Variants in MEAK7 observed in about 807,000 individuals in gnomAD.
MEAK7 encodes MTOR-associated protein MEAK7.
In MEAK7, 68 loss-of-function variants were observed where a neutral mutation model predicts 40.5. The ratio of observed to expected loss-of-function variants is 1.68; its 90% CI spans 1.38 to 2.06. MEAK7 has a LOEUF of 2.06. MEAK7 is among the 30% of genes most tolerant of loss of function. The pLI is 0.00. For missense variants in MEAK7, 918 were observed against 580.5 expected (o/e 1.58, Z -5.98); for synonymous variants, 338 against 231.9 (o/e 1.46, Z -4.16).
intron 5 of MEAK7, 105 bp from the exon 6 acceptor site, chr16:84,482,815 C>G (rs1912695739): frequency 1.3e-6 from 2 of 1,507,760 alleles, no homozygotes; most frequent in Admixed American, 4.0e-5. Context: ...AGGGCCAAGA[C>G]CCTTCTCACC....
chr16:84,501,031 G>A (rs1914453113), intron 1 of MEAK7, among the ~76,000 whole-genome samples: 1 of 148,300 alleles, frequency 6.7e-6, no homozygotes, highest in Non-Finnish European at 1.5e-5. Flanking sequence ...GACAGCGGAA[G>A]TCGCAGTGAG....
chr16:84,479,846 G>A lies in MEAK7; in HGVS notation c.*67C>T, dbSNP rs1912355032. 2 of 1,232,594 alleles carry A rather than the reference G, an allele frequency of 1.6e-6. No individual in the cohort carries two copies. The highest frequency in any genetic ancestry group is 2.3e-5 in the Admixed American group (1 of 44,090). The allele number at this position is 1,232,594 out of a possible 1,614,324, so 76.4% of individuals were successfully genotyped here. On this transcript the variant is annotated 3_prime_UTR_variant, in exon 8 of 8. Coordinates refer to ENST00000343629, the MANE Select transcript of MEAK7 (RefSeq NM_020947.4). ...GTTAAACCATGTGGGAGGGAAGAGG[G>A]GCTGCAGGCGTTGCCCTCTACCCAG... is the stretch of plus-strand genomic sequence containing the variant.
chr16:84,497,603 C>T, intron 2 of MEAK7: 6 of 1,325,580 alleles, frequency 4.5e-6, no homozygotes, highest in Non-Finnish European at 5.9e-6. Flanking sequence ...TAGAAATGTC[C>T]CCAAATGTCG....
intron 5 of MEAK7, among the ~76,000 whole-genome samples, chr16:84,483,754 G>C (rs988853350): frequency 2.0e-5 from 3 of 152,182 alleles, no homozygotes; most frequent in Admixed American, 6.5e-5. Flanking sequence ...CAGCTTCCGA[G>C]GTCAAGAGGG....
chr16:84,503,958 C>T (rs746254830), intron 1 of MEAK7: 338 of 985,434 alleles, frequency 3.4e-4, no homozygotes, highest in Non-Finnish European at 4.0e-4. Context: ...CCCTCCGTAC[C>T]CCCACAAGCT....
chr16:84,496,106 C>T (rs922868433), intron 2 of MEAK7, among the ~76,000 whole-genome samples, 193 bp from the exon 3 acceptor site: 2 of 152,194 alleles, frequency 1.3e-5, no homozygotes, highest in African/African-American at 4.8e-5. Flanking sequence ...TATGCAAATG[C>T]CGGCCATTAG....
rs1011422090 is a variant in MEAK7 at position 84,495,847 on chromosome 16, C to G, written c.220G>C (p.Asp74His). The change falls in exon 3 of 8, where the codon GAC becomes CAC. Residue 74 changes from aspartate to histidine, a missense_variant. By Grantham distance (81) the Asp-to-His change is moderately conservative (BLOSUM62 -1). Transcript: ENST00000343629. ...GGTCCCTTCGCCTTCCCTGTCAGGT[C>G]GACCCTCCGCATGCCATCATACAGC... ...TRLYDGMRRV[D>H]LTGKAKGPSE... The G allele has an allele frequency of 3.7e-6, 6 of 1,613,940 alleles. No homozygotes were observed. Among genetic ancestry groups the G allele is most frequent in the Non-Finnish European group, 5.1e-6 (6 of 1,180,020 alleles).
intron 3 of MEAK7, among the ~76,000 whole-genome samples, chr16:84,490,462 T>TACC (rs1567497292): frequency 7.5e-6 from 1 of 133,416 alleles, no homozygotes; most frequent in Non-Finnish European, 1.6e-5. Context: ...TTTTTTTTTT[T>TACC]TTTTTTTTTT....
At chr16:84,503,291 G>A (rs75707154) in intron 1 of MEAK7, among the ~76,000 whole-genome samples, 3,296 of 152,274 alleles carry the variant, frequency 0.022, 72 homozygotes, top group African/African-American at 0.054. Context: ...TATGGCCCAC[G>A]GGTTGGACGA....
At chr16:84,487,151 G>A in intron 4 of MEAK7, 92 bp from the exon 5 acceptor site, 1 of 1,311,722 alleles carries the variant, frequency 7.6e-7, no homozygotes, top group Non-Finnish European at 1.0e-6. Flanking sequence ...GGAGCCACGA[G>A]TCACATGCAA....
chr16:84,486,659 G>A lies in MEAK7; in HGVS notation c.930C>T (p.Cys310=). Residue 310 remains cysteine (C), a synonymous_variant, in exon 5 of 8, where the codon TGC becomes TGT. Coordinates refer to ENST00000343629, the MANE Select transcript of MEAK7 (RefSeq NM_020947.4). The stretch of plus-strand genomic sequence containing the variant: ...GAAACTGAGGCTTCACCTCCCAAGA[G>A]CAAGAGGCAAACCCACCGAACACAT... ...DKHVFGGFAS[C]SWEVKPQFQG... is the part of the protein sequence containing the mutation. The A allele has an allele frequency of 6.2e-7, 1 of 1,611,950 alleles. No individual in the cohort carries two copies. The highest frequency in any genetic ancestry group is 8.5e-7 in the Non-Finnish European group (1 of 1,179,048).
chr16:84,482,273 G>A (rs868058983), intron 6 of MEAK7, among the ~76,000 whole-genome samples: 1 of 152,218 alleles, frequency 6.6e-6, no homozygotes, highest in South Asian at 2.1e-4. Flanking sequence ...CGCAGGGACA[G>A]GTCTGGCGCT....
intron 5 of MEAK7, among the ~76,000 whole-genome samples, chr16:84,485,193 GTC>G (rs1912927008): frequency 6.6e-6 from 1 of 152,224 alleles, no homozygotes; most frequent in Non-Finnish European, 1.5e-5. Flanking sequence ...TGAGGCTGCT[GTC>G]TCTAGAAAGG....
At chr16:84,480,114 G>A (rs1912393238) in intron 7 of MEAK7, 88 bp from the exon 8 acceptor site, 2 of 1,098,316 alleles carry the variant, frequency 1.8e-6, no homozygotes, top group Admixed American at 2.6e-5. Context: ...CTTCTTGGGT[G>A]GAATCAGGCT....
chr16:84,485,122 A>G (rs896292988), intron 5 of MEAK7, among the ~76,000 whole-genome samples: 2 of 152,106 alleles, frequency 1.3e-5, no homozygotes, highest in Non-Finnish European at 2.9e-5. Context: ...CACATGCCCT[A>G]TGCCTGTGAC....
In MEAK7 at chr16:84,489,559, T is replaced by C. The variant is rs545878870; in HGVS notation, c.385-137A>G. On this transcript the variant is annotated intron_variant, in intron 3 of 7. Transcript: ENST00000343629. ...ATGTGGGGAAAGGTCATGCAATGTA[T>C]GTAGTTACTCGTTTTTCTAATGATG... 36 of 1,031,604 alleles carry C rather than the reference T, an allele frequency of 3.5e-5. No homozygotes were observed. The African/African-American group carries it at 5.4e-4, about 15-fold the overall frequency. The allele number at this position is 1,031,604 out of a possible 1,614,324, so 63.9% of individuals were successfully genotyped here. A position where few individuals can be genotyped will look rare whatever the true frequency, so the allele number is the denominator to read the frequency against.
In MEAK7 at chr16:84,478,359, A is replaced by G. The variant is rs1313560037; in HGVS notation, c.*1554T>C. On this transcript the variant is annotated 3_prime_UTR_variant, in exon 8 of 8. Transcript: ENST00000343629. ...TCTTTCGAAGGCTAATTTATGAGGC[A>G]TTCTGCCTGAGTCAGGGCTATTGCT... is the stretch of plus-strand genomic sequence containing the variant. 6.6e-6 allele frequency: 1 copy of G among 152,228 alleles called. No individual in the cohort carries two copies. Among genetic ancestry groups the G allele is most frequent in the Non-Finnish European group, 1.5e-5 (1 of 68,042 alleles). 9.4% of individuals were successfully genotyped at this position (152,228 alleles called of 1,614,324 possible).
intron 5 of MEAK7, among the ~76,000 whole-genome samples, chr16:84,485,128 G>A (rs111995597): frequency 1.3e-5 from 2 of 152,284 alleles, no homozygotes; most frequent in South Asian, 4.1e-4. Flanking sequence ...CCCTATGCCT[G>A]TGACATGGAG....
intron 1 of MEAK7, chr16:84,503,925 C>A: frequency 1.0e-6 from 1 of 985,346 alleles, no homozygotes; most frequent in African/African-American, 1.7e-5. Flanking sequence ...AAGGGCCCCG[C>A]ATCCCTAGAG....
Sources: gnomAD v4.1 joint callset for allele counts (sites outside exome capture counted in the v4.1 genomes callset) on GRCh38, gnomAD v4.1.1 for gene constraint, MANE v1.5 for transcripts, NCBI Gene and HGNC (gene_info 2026-07-23, HGNC 2026-07-21) for gene names.